Variants in ETV1 observed in about 807,000 individuals in gnomAD.
The protein encoded by ETV1 is ETS variant transcription factor 1.
Under a neutral mutation model 62.3 loss-of-function variants are expected in ETV1, and 27 were observed. The ratio of observed to expected loss-of-function variants is 0.43; its 90% CI spans 0.32 to 0.60. The LOEUF is 0.60. Among genes scored for constraint, ETV1 ranks in the 20% least tolerant of loss-of-function variants. The pLI, the probability that ETV1 is intolerant of heterozygous loss-of-function variation, is 0.06. For synonymous variants in ETV1, 222 were observed against 199.6 expected, an observed-to-expected ratio of 1.11 and a Z score of -0.94; for missense variants, 605 against 605.8, an observed-to-expected ratio of 1.00 and a Z score of 0.01.
rs73054127 is a variant in ETV1 at position 13,988,242 on chromosome 7, G to C, written c.46-69C>G. 3 of 724,074 alleles carry C rather than the reference G, an allele frequency of 4.1e-6. No individual in the cohort carries two copies. In the East Asian group the frequency reaches 8.3e-5, roughly 20 times the overall value. The allele number at this position is 724,074 out of a possible 1,614,324, so 44.9% of individuals were successfully genotyped here. On this transcript the variant is annotated intron_variant, in intron 3 of 13. Transcript: ENST00000430479. ...AGATCACACACACGCACACGCGCGC[G>C]CACACACACACACACAGACATGCAT... is the stretch of plus-strand genomic sequence containing the variant.
At chr7:13,966,654 AAAAC>A (rs938399340) in intron 6 of ETV1, among the ~76,000 whole-genome samples, 10 of 152,088 alleles carry the variant, frequency 6.6e-5, no homozygotes, top group Admixed American at 2.6e-4. Context: ...CTCAAAAACA[AAAAC>A]AAACAAACAA....
chr7:13,924,125 G>A (rs1007153671), intron 9 of ETV1, among the ~76,000 whole-genome samples: 1 of 152,136 alleles, frequency 6.6e-6, no homozygotes, highest in African/African-American at 2.4e-5. Flanking sequence ...ACATCGATTT[G>A]AGATCCTGTA....
At chr7:13,916,375 C>T (rs1162286141) in intron 9 of ETV1, among the ~76,000 whole-genome samples, 3 of 152,252 alleles carry the variant, frequency 2.0e-5, no homozygotes, top group South Asian at 4.1e-4. Flanking sequence ...TGGTGGCTCA[C>T]GTCTGTAATC....
intron 9 of ETV1, among the ~76,000 whole-genome samples, chr7:13,921,755 C>G (rs1263641347): frequency 6.6e-6 from 1 of 152,068 alleles, no homozygotes; most frequent in African/African-American, 2.4e-5. Flanking sequence ...GAGCTCAAAA[C>G]TAAAATACTT....
chr7:13,924,238 G>A (rs998260924), intron 9 of ETV1, among the ~76,000 whole-genome samples: 1 of 152,066 alleles, frequency 6.6e-6, no homozygotes, highest in Non-Finnish European at 1.5e-5. Flanking sequence ...AGGGCATTAA[G>A]AAAGAAAGAG....
chr7:13,974,613 G>A (rs377060694), intron 6 of ETV1, among the ~76,000 whole-genome samples: 2 of 152,316 alleles, frequency 1.3e-5, no homozygotes, highest in African/African-American at 2.4e-5. Context: ...AGGGATGAAG[G>A]AGAGGCCATG....
chr7:13,989,370 C>A lies in ETV1; in HGVS notation c.-190G>T. 2 of 484,694 alleles carry A rather than the reference C, an allele frequency of 4.1e-6. No homozygotes were observed. Among genetic ancestry groups the A allele is most frequent in the South Asian group, 8.1e-5 (2 of 24,778 alleles). 30.0% of individuals were successfully genotyped at this position (484,694 alleles called of 1,614,324 possible). A position where few individuals can be genotyped will look rare whatever the true frequency, so the allele number is the denominator to read the frequency against. On this transcript the variant is annotated 5_prime_UTR_variant, in exon 2 of 14. Transcript: ENST00000430479. ...TATTTATTTACACTCTCGATGTTTCCCTGCGCGGTCGGTGTACCCCGGGCA... is the reference window on the plus strand; with the variant it reads ...TATTTATTTACACTCTCGATGTTTCACTGCGCGGTCGGTGTACCCCGGGCA...
chr7:13,916,678 T>G (rs1471954905), intron 9 of ETV1, among the ~76,000 whole-genome samples: 4 of 152,062 alleles, frequency 2.6e-5, no homozygotes, highest in African/African-American at 4.8e-5. Flanking sequence ...CATGTAATCT[T>G]GGCACTTTGG....
chr7:13,970,809 G>A (rs1359720564), intron 6 of ETV1, among the ~76,000 whole-genome samples: 1 of 152,008 alleles, frequency 6.6e-6, no homozygotes, highest in Non-Finnish European at 1.5e-5. Context: ...TTCTGATCCT[G>A]GACAGGTACG....
In ETV1 at chr7:13,989,609, T is replaced by C; in HGVS notation, c.-331A>G. On this transcript the variant is annotated 5_prime_UTR_variant, in exon 1 of 14. Coordinates refer to ENST00000430479, the MANE Select transcript of ETV1 (RefSeq NM_004956.5). ...AGGCTGCAAAAACTTCCCTCCAAAT[T>C]TAATAAAAACATTAATTATAGCCCA... 2.5e-6 allele frequency: 1 copy of C among 399,068 alleles called. No homozygotes were observed. The highest frequency in any genetic ancestry group is 4.4e-6 in the Non-Finnish European group (1 of 226,132). 24.7% of individuals were successfully genotyped at this position (399,068 alleles called of 1,614,324 possible).
chr7:13,911,119 C>T (rs1306104896), intron 10 of ETV1, 120 bp downstream of exon 10: 2 of 692,036 alleles, frequency 2.9e-6, no homozygotes. Context: ...AAAACAATTG[C>T]TTAGGGAACA....
chr7:13,970,958 T>G (rs1780839356), intron 6 of ETV1, among the ~76,000 whole-genome samples: 1 of 152,060 alleles, frequency 6.6e-6, no homozygotes, highest in Non-Finnish European at 1.5e-5. Flanking sequence ...TATTCTTTCT[T>G]TTATTTATTT....
chr7:13,982,005 G>A (rs1318550462), intron 5 of ETV1, among the ~76,000 whole-genome samples: 1 of 152,026 alleles, frequency 6.6e-6, no homozygotes, highest in Non-Finnish European at 1.5e-5. Context: ...TAATTATGCA[G>A]AAGTATAAAC....
At chr7:13,960,645 T>C (rs931845710) in intron 6 of ETV1, among the ~76,000 whole-genome samples, 3 of 152,038 alleles carry the variant, frequency 2.0e-5, no homozygotes, top group Admixed American at 6.6e-5. Context: ...TTAAACCTAC[T>C]CCAAAGCTCA....
chr7:13,934,950 T>C (rs1786629626), intron 8 of ETV1, among the ~76,000 whole-genome samples: 1 of 152,162 alleles, frequency 6.6e-6, no homozygotes, highest in African/African-American at 2.4e-5. Context: ...GCAGAAGAGA[T>C]AAAGAAGGAG....
intron 6 of ETV1, among the ~76,000 whole-genome samples, chr7:13,958,525 C>A (rs139200172): frequency 1.5e-3 from 234 of 152,262 alleles, no homozygotes; most frequent in African/African-American, 5.4e-3. Flanking sequence ...AGTAAGCACA[C>A]ATGTATTAAA....
At chr7:13,897,349 T>A (rs1033752801) in intron 13 of ETV1, among the ~76,000 whole-genome samples, 1 of 152,214 alleles carries the variant, frequency 6.6e-6, no homozygotes, top group Non-Finnish European at 1.5e-5. Flanking sequence ...TATTGTTATA[T>A]CTTTGAGGGA....
At chr7:13,988,765 A>C (rs1583922001) in intron 3 of ETV1, 1 of 1,611,602 alleles carries the variant, frequency 6.2e-7, no homozygotes, top group Non-Finnish European at 8.5e-7. Context: ...TCTTCCACTC[A>C]TGTTGGGCAC....
intron 9 of ETV1, among the ~76,000 whole-genome samples, chr7:13,912,785 C>T (rs1783692250): frequency 6.6e-6 from 1 of 152,072 alleles, no homozygotes; most frequent in African/African-American, 2.4e-5. Context: ...AAAAATATGG[C>T]TAAGGGGAGA....
Sources: gnomAD v4.1 joint callset for allele counts (sites outside exome capture counted in the v4.1 genomes callset) on GRCh38, gnomAD v4.1.1 for gene constraint, MANE v1.5 for transcripts, NCBI Gene and HGNC (gene_info 2026-07-23, HGNC 2026-07-21) for gene names.